The following RSPRY1 variants were observed in gnomAD, a reference collection of about 807,000 sequenced individuals.
The protein encoded by RSPRY1 is RING finger and SPRY domain-containing protein 1.
In RSPRY1, 23 loss-of-function variants were observed where a neutral mutation model predicts 73.1. The ratio of observed to expected loss-of-function variants is 0.31; its 90% CI spans 0.23 to 0.45. The LOEUF (loss-of-function observed/expected upper bound fraction) is 0.45. RSPRY1 is among the 20% of genes least tolerant of loss of function. The probability of loss-of-function intolerance (pLI) is 1.00; values close to 1 mark genes in which losing one functional copy is unlikely to be tolerated. For synonymous variants in RSPRY1, 226 were observed against 251.4 expected (o/e 0.90, Z 0.95); for missense variants, 448 against 698.7 (o/e 0.64, Z 4.05).
At chr16:57,220,176 T>G (rs917418733) in intron 8 of RSPRY1, 1 of 152,278 alleles carries the variant, frequency 6.6e-6, no homozygotes, top group Non-Finnish European at 1.5e-5. Flanking sequence ...AGGATTATTT[T>G]TTACTATTTC....
intron 10 of RSPRY1, among the ~76,000 whole-genome samples, chr16:57,225,808 G>A (rs570134376): frequency 7.2e-5 from 11 of 152,286 alleles, no homozygotes; most frequent in Non-Finnish European, 1.3e-4. Context: ...GCCAGGCGCG[G>A]TGGCTCACGC....
intron 4 of RSPRY1, among the ~76,000 whole-genome samples, chr16:57,212,040 A>AGT (rs2074853256): frequency 6.6e-6 from 1 of 152,198 alleles, no homozygotes; most frequent in African/African-American, 2.4e-5. Context: ...GGCAGGGTGC[A>AGT]GTGGTTCATG....
intron 10 of RSPRY1, among the ~76,000 whole-genome samples, chr16:57,225,197 A>T (rs2075101998): frequency 6.6e-6 from 1 of 152,196 alleles, no homozygotes; most frequent in Non-Finnish European, 1.5e-5. Context: ...AGTAACTGGG[A>T]TTATAGGTGT....
chr16:57,214,787 G>A (rs2074909130), intron 6 of RSPRY1, among the ~76,000 whole-genome samples: 1 of 152,242 alleles, frequency 6.6e-6, no homozygotes, highest in Non-Finnish European at 1.5e-5. Context: ...CCGGCATTTT[G>A]GGAGGCTGAG....
intron 10 of RSPRY1, among the ~76,000 whole-genome samples, chr16:57,226,163 A>G (rs1280302524): frequency 6.6e-6 from 1 of 152,250 alleles, no homozygotes; most frequent in Non-Finnish European, 1.5e-5. Context: ...CTGAGTGTCC[A>G]CTATAACCTT....
At chr16:57,196,033 AAAT>A (rs1262607420) in intron 1 of RSPRY1, among the ~76,000 whole-genome samples, 1 of 124,392 alleles carries the variant, frequency 8.0e-6, no homozygotes, top group Non-Finnish European at 1.7e-5. Context: ...AAAAAAAAAA[AAAT>A]ATATATATAT....
intron 1 of RSPRY1, among the ~76,000 whole-genome samples, chr16:57,200,401 A>G (rs1177479637): frequency 3.9e-5 from 6 of 151,996 alleles, no homozygotes; most frequent in African/African-American, 9.7e-5. Context: ...ATCATAGCCC[A>G]TTCTCAATGA....
chr16:57,217,804 C>T (rs777698896), intron 8 of RSPRY1, among the ~76,000 whole-genome samples: 13 of 152,190 alleles, frequency 8.5e-5, no homozygotes, highest in South Asian at 2.1e-4. Context: ...GTTAATACTA[C>T]GCTAAAGCAT....
At chr16:57,189,577 C>T (rs370209280) in intron 1 of RSPRY1, among the ~76,000 whole-genome samples, 4 of 137,888 alleles carry the variant, frequency 2.9e-5, no homozygotes, top group African/African-American at 2.7e-5. Flanking sequence ...TCTGTTTTTT[C>T]TTTTTCTTTT....
At position 57,204,567 on chromosome 16, in the gene RSPRY1, T is replaced by C; in HGVS notation, c.-92T>C. 1 of 1,128,762 alleles carries C rather than the reference T, an allele frequency of 8.9e-7. No individual in the cohort carries two copies. Among genetic ancestry groups the C allele is most frequent in the Non-Finnish European group, 1.3e-6 (1 of 775,158 alleles). 69.9% of individuals were successfully genotyped at this position (1,128,762 alleles called of 1,614,324 possible). A position where few individuals can be genotyped will look rare whatever the true frequency, so the allele number is the denominator to read the frequency against. On this transcript the variant is annotated 5_prime_UTR_variant, in exon 2 of 15. Transcript: ENST00000394420. ...ATGTTGGGAATAAGCTCTGCAACTT[T>C]CTTTGGCATTCAGTTGTTAAAAACA...
chr16:57,201,937 G>A (rs1156352318), intron 1 of RSPRY1, among the ~76,000 whole-genome samples: 2 of 152,190 alleles, frequency 1.3e-5, no homozygotes, highest in Non-Finnish European at 2.9e-5. Flanking sequence ...TTGGCATCAG[G>A]GGGAGACCGT....
chr16:57,221,287 T>G lies in RSPRY1; in HGVS notation c.1033T>G (p.Ser345Ala), dbSNP rs140926092. The G allele has an allele frequency of 1.2e-6, 2 of 1,613,934 alleles. No homozygotes were observed. Among genetic ancestry groups the G allele is most frequent in the Non-Finnish European group, 1.7e-6 (2 of 1,180,026 alleles). Reference sequence around the variant, plus strand: ...GTTTTGCCAGGCTCGCTGTGATGCCTCCTCTTTTGAAAGTGTGCGTTGCAC... The same window carrying G: ...GTTTTGCCAGGCTCGCTGTGATGCCGCCTCTTTTGAAAGTGTGCGTTGCAC... ...PHGLEARCDA[S>A]SFESVRCTFC... Residue 345 changes from serine (S) to alanine (A), a missense_variant, in exon 10 of 15, where the codon TCC becomes GCC. By Grantham distance (99) the Ser-to-Ala change is moderately conservative (BLOSUM62 1). Coordinates refer to ENST00000394420, the MANE Select transcript of RSPRY1 (RefSeq NM_133368.3).
chr16:57,201,000 G>A (rs1417137147), intron 1 of RSPRY1, among the ~76,000 whole-genome samples: 4 of 140,470 alleles, frequency 2.8e-5, no homozygotes, highest in Non-Finnish European at 4.8e-5. Context: ...GCGGCTGGCC[G>A]GGCGGGGGGC....
At chr16:57,188,983 T>C (rs1170153848) in intron 1 of RSPRY1, among the ~76,000 whole-genome samples, 1 of 150,508 alleles carries the variant, frequency 6.6e-6, no homozygotes, top group Non-Finnish European at 1.5e-5. Flanking sequence ...TTTTCTGTAC[T>C]CAGTGACTTT....
At chr16:57,207,323 CTT>C (rs1381460314) in intron 2 of RSPRY1, among the ~76,000 whole-genome samples, 1 of 144,662 alleles carries the variant, frequency 6.9e-6, no homozygotes, top group Non-Finnish European at 1.5e-5. Flanking sequence ...GTTTTTGGGG[CTT>C]TTTTTTTTTC....
rs369918503 is a variant in RSPRY1, at chr16:57,204,690, C to T, written c.32C>T (p.Ala11Val). 4.3e-6 allele frequency: 7 copies of T among 1,613,986 alleles called. No homozygotes were observed. Among genetic ancestry groups the T allele is most frequent in the South Asian group, 2.2e-5 (2 of 91,082 alleles). Residue 11 changes from alanine (A) to valine (V), a missense_variant, in exon 2 of 15, where the codon GCG becomes GTG. Transcript: ENST00000394420. ...GTCTTTGGTTGGGCCGTGTTCTTAG[C>T]GAGCAGAAGCCTTGGCCAGGGTCTG... MIVFGWAVFL[A>V]SRSLGQGLLL...
intron 10 of RSPRY1, among the ~76,000 whole-genome samples, chr16:57,222,201 G>C (rs1051920324): frequency 6.6e-6 from 1 of 152,052 alleles, no homozygotes; most frequent in African/African-American, 2.4e-5. Context: ...ATGGGTTTTA[G>C]AAGTGATCCA....
rs377179551 is a variant in RSPRY1, at chr16:57,227,472, A to G, written c.1273+19A>G. ...AAAGAAGGTATTCATTCCCTCCATT[A>G]TAAATTTATCAAGTGGGTTAAGACA... is the stretch of plus-strand genomic sequence containing the variant. On this transcript the variant is annotated intron_variant, in intron 11 of 14. Transcript: ENST00000394420. 1.3e-5 allele frequency: 21 copies of G among 1,557,286 alleles called. No individual in the cohort carries two copies. Among genetic ancestry groups the G allele is most frequent in the Non-Finnish European group, 1.9e-5 (21 of 1,128,614 alleles).
At chr16:57,208,346 C>A (rs1597884120) in intron 3 of RSPRY1, among the ~76,000 whole-genome samples, 1 of 129,110 alleles carries the variant, frequency 7.7e-6, no homozygotes, top group Non-Finnish European at 1.6e-5. Flanking sequence ...GATCTTTCAC[C>A]ATACTGTTCT....
Sources: gnomAD v4.1 joint callset for allele counts (sites outside exome capture counted in the v4.1 genomes callset) on GRCh38, gnomAD v4.1.1 for gene constraint, MANE v1.5 for transcripts, NCBI Gene and HGNC (gene_info 2026-07-23, HGNC 2026-07-21) for gene names.